Variants in PCDHA5 observed in about 807,000 individuals in gnomAD.
The protein encoded by PCDHA5 is protocadherin alpha-5.
PCDHA5 carries 43 observed loss-of-function variants against 61.6 expected under a neutral mutation model. The observed-to-expected ratio is 0.70, with a 90% CI of 0.55 to 0.90. The LOEUF (loss-of-function observed/expected upper bound fraction) is 0.90. Among genes scored for constraint, PCDHA5 ranks in the 40% least tolerant of loss-of-function variants. The probability of loss-of-function intolerance (pLI) is 0.00; values close to 1 mark genes in which losing one functional copy is unlikely to be tolerated. For synonymous variants in PCDHA5, 627 were observed against 543.9 expected (o/e 1.15, Z -2.13); for missense variants, 1,298 against 1,222.7 (o/e 1.06, Z -0.92).
chr5:140,882,178 C>A (rs2058992068), intron 1 of PCDHA5: 1 of 1,517,822 alleles, frequency 6.6e-7, no homozygotes, highest in Non-Finnish European at 8.8e-7. Flanking sequence ...TCCTTCCGCA[C>A]TAGGAAGCCA....
At chr5:140,958,905 A>G (rs1295198062) in intron 1 of PCDHA5, among the ~76,000 whole-genome samples, 1 of 149,390 alleles carries the variant, frequency 6.7e-6, no homozygotes, top group Non-Finnish European at 1.5e-5. Flanking sequence ...AGATACAGAA[A>G]AGTCTGCCTG....
In PCDHA5 at chr5:140,825,506, T is replaced by C. The variant is rs151143740; in HGVS notation, c.2352+1379T>C. On this transcript the variant is annotated intron_variant, in intron 1 of 3. Coordinates refer to ENST00000529859, the MANE Select transcript of PCDHA5 (RefSeq NM_018908.3). ...TGCCCAAACGAGTGCAATGGTACAA[T>C]CTTGGCCTCCCAGGTTCAAGCGATT... 1.1e-4 allele frequency: 17 copies of C among 151,094 alleles called. No homozygotes were observed. The East Asian group carries it at 3.3e-3, about 29-fold the overall frequency. 9.4% of individuals were successfully genotyped at this position (151,094 alleles called of 1,614,324 possible). A position where few individuals can be genotyped will look rare whatever the true frequency, so the allele number is the denominator to read the frequency against.
Position 140,840,718 on chromosome 5 carries a change from A to G in PCDHA5, c.2352+16591A>G, listed in dbSNP as rs2150309137. Among the ~76,000 whole-genome samples, 16 of 152,124 alleles carry G rather than the reference A, an allele frequency of 1.1e-4. 1 individual carries two copies. The South Asian group carries it at 3.3e-3, about 32-fold the overall frequency. On this transcript the variant is annotated intron_variant, in intron 1 of 3. Transcript: ENST00000529859. ...GTTCAGGCAATTTGACATTTATTGA[A>G]TAAAGAAAAGCAAAAATTTAACAAT...
At chr5:140,945,091 TAAAC>T (rs1467444609) in intron 1 of PCDHA5, among the ~76,000 whole-genome samples, 2 of 152,110 alleles carry the variant, frequency 1.3e-5, no homozygotes, top group African/African-American at 2.4e-5. Context: ...TTGGAACTAA[TAAAC>T]AAAATAAAGT....
intron 1 of PCDHA5, chr5:140,842,516 T>C (rs2150337808): frequency 1.2e-6 from 2 of 1,613,620 alleles, no homozygotes; most frequent in East Asian, 2.2e-5. Flanking sequence ...CAAGCTGGTG[T>C]CCACCTTCAA....
At chr5:140,925,826 G>T (rs1284588733) in intron 1 of PCDHA5, among the ~76,000 whole-genome samples, 3 of 152,066 alleles carry the variant, frequency 2.0e-5, no homozygotes, top group Non-Finnish European at 2.9e-5. Flanking sequence ...CTTCTTTGGG[G>T]ACGGGTCGTC....
intron 1 of PCDHA5, among the ~76,000 whole-genome samples, chr5:140,895,004 T>C (rs535461448): frequency 6.6e-6 from 1 of 152,316 alleles, no homozygotes; most frequent in East Asian, 1.9e-4. Flanking sequence ...CCCTTTTTAC[T>C]TGGACCTTTT....
Position 140,912,662 on chromosome 5 carries a change from T to C in PCDHA5, c.2353-66287T>C, listed in dbSNP as rs145118694. 1.9e-3 allele frequency among the ~76,000 whole-genome samples: 286 copies of C among 152,264 alleles called. 1 individual carries two copies. The highest frequency in any genetic ancestry group is 6.7e-3 in the African/African-American group (280 of 41,548). Reference sequence around the variant, plus strand: ...CTATGTTGAATAGAAGTGGTGAAAATGGGCATCCTTGACTTATTCCAGGTC... The same window carrying C: ...CTATGTTGAATAGAAGTGGTGAAAACGGGCATCCTTGACTTATTCCAGGTC... On this transcript the variant is annotated intron_variant, in intron 1 of 3. Coordinates refer to ENST00000529859, the MANE Select transcript of PCDHA5 (RefSeq NM_018908.3).
chr5:140,962,080 T>A (rs1226617177), intron 1 of PCDHA5, among the ~76,000 whole-genome samples: 1 of 151,756 alleles, frequency 6.6e-6, no homozygotes, highest in Non-Finnish European at 1.5e-5. Context: ...AGAGACGGGG[T>A]TTCACCATGT....
intron 1 of PCDHA5, chr5:140,928,747 C>T (rs781895762): frequency 2.5e-6 from 4 of 1,614,132 alleles, no homozygotes; most frequent in African/African-American, 2.7e-5. Context: ...AGGTGAGCTC[C>T]GTACTGCTCG....
intron 1 of PCDHA5, chr5:140,877,542 A>G (rs782391639): frequency 1.9e-6 from 3 of 1,613,752 alleles, no homozygotes; most frequent in Non-Finnish European, 2.5e-6. Flanking sequence ...TGGATCCCGA[A>G]GCGGCTCTGG....
At chr5:140,870,392 GT>G in intron 1 of PCDHA5, 1 of 1,614,254 alleles carries the variant, frequency 6.2e-7, no homozygotes, top group Middle Eastern at 1.6e-4. Flanking sequence ...CGGGATGGGG[GT>G]TCGCCTTCTC....
chr5:140,972,978 A>G (rs1392208477), intron 1 of PCDHA5, among the ~76,000 whole-genome samples: 1 of 152,058 alleles, frequency 6.6e-6, no homozygotes, highest in African/African-American at 2.4e-5. Flanking sequence ...ACCAAATCTT[A>G]AGGTAGATTC....
rs2150493815 is a variant in PCDHA5 at position 140,850,683 on chromosome 5, G to A, written c.2352+26556G>A. 6 of 1,598,480 alleles carry A rather than the reference G, an allele frequency of 3.8e-6. No individual in the cohort carries two copies. The East Asian group carries it at 1.1e-4, about 30-fold the overall frequency. On this transcript the variant is annotated intron_variant, in intron 1 of 3. Coordinates refer to ENST00000529859, the MANE Select transcript of PCDHA5 (RefSeq NM_018908.3). ...GCGGTGCTCGGCGATGCCCACCGAG[G>A]GCGAGTGCGCGCCTGGCAAGCCGAC...
chr5:140,931,209 A>C (rs1554208285), intron 1 of PCDHA5, among the ~76,000 whole-genome samples: 1 of 152,184 alleles, frequency 6.6e-6, no homozygotes, highest in African/African-American at 2.4e-5. Context: ...CTAGTATTTC[A>C]GGTATCAGAG....
intron 3 of PCDHA5, among the ~76,000 whole-genome samples, chr5:141,001,745 T>A (rs2098035193): frequency 6.6e-6 from 1 of 152,200 alleles, no homozygotes; most frequent in Non-Finnish European, 1.5e-5. Flanking sequence ...CTGGGCTGTT[T>A]CAGTGGTTGA....
At chr5:140,846,476 A>G (rs2150391448) in intron 1 of PCDHA5, among the ~76,000 whole-genome samples, 10 of 143,712 alleles carry the variant, frequency 7.0e-5, no homozygotes, top group Admixed American at 2.1e-4. Context: ...CCGGGTTCAA[A>G]TGATTCTCCT....
chr5:140,985,889 G>A (rs549796234), intron 3 of PCDHA5, among the ~76,000 whole-genome samples: 61 of 151,864 alleles, frequency 4.0e-4, no homozygotes, highest in Non-Finnish European at 5.7e-4. Context: ...ACAGGCGCCC[G>A]CCACCACTCC....
intron 1 of PCDHA5, chr5:140,825,614 G>A (rs1415986913): frequency 6.6e-6 from 1 of 151,662 alleles, no homozygotes; most frequent in Non-Finnish European, 1.5e-5. Flanking sequence ...TAGAGACGGG[G>A]TTTCACCATG....
Sources: allele counts gnomAD v4.1 joint callset (sites outside exome capture counted in the v4.1 genomes callset), GRCh38; gene constraint gnomAD v4.1.1; transcripts MANE v1.5; gene names NCBI Gene and HGNC (gene_info 2026-07-23, HGNC 2026-07-21).